Variants in BCAR1 observed in about 807,000 individuals in gnomAD.
BCAR1 encodes the protein BCAR1 scaffold protein, Cas family member, also known as breast cancer anti-estrogen resistance protein 1.
Under a neutral mutation model 67.6 loss-of-function variants are expected in BCAR1, and 30 were observed. The ratio of observed to expected loss-of-function variants is 0.44; its 90% confidence interval spans 0.33 to 0.60. The LOEUF is 0.60. Ranked by LOEUF, BCAR1 falls within the 20% of genes least tolerant of loss-of-function variation. The pLI, the probability that BCAR1 is intolerant of heterozygous loss-of-function variation, is 0.02. For missense variants in BCAR1, 1,313 were observed against 1,222.3 expected (o/e 1.07, Z -1.11); for synonymous variants, 626 against 556.7 (o/e 1.12, Z -1.75).
chr16:75,234,039 C>G (rs2076997882), intron 5 of BCAR1, 104 bp from the exon 6 acceptor site: 6 of 1,100,118 alleles, frequency 5.5e-6, no homozygotes, highest in African/African-American at 1.6e-5. Flanking sequence ...CCAGGTGGTG[C>G]TGCGTGTGCG....
rs938025848 is a variant in BCAR1, at chr16:75,244,430, C to G, written c.13-1340G>C. ...AGTGGGGGTGAGGCCTCTTTCAAGT[C>G]CCTAGGGCCCACCCTCCTCCCCTAT... On this transcript the variant is annotated intron_variant, in intron 1 of 6. Transcript: ENST00000162330. Among the ~76,000 whole-genome samples the G allele has an allele frequency of 3.1e-4, 47 of 152,324 alleles. No individual in the cohort carries two copies. The Middle Eastern group carries it at 0.01, about 33-fold the overall frequency.
chr16:75,229,636 T>C lies in BCAR1; in HGVS notation c.2488A>G (p.Thr830Ala). 1 of 1,612,700 alleles carries C rather than the reference T, an allele frequency of 6.2e-7. No homozygotes were observed. The highest frequency in any genetic ancestry group is 8.5e-7 in the Non-Finnish European group (1 of 1,179,888). ...GGGTACTGCAAGGCAGCGGCCTTGGTGGTGGCCACGATGCCGCGCAGGAGG... is the reference window on the plus strand; with the variant it reads ...GGGTACTGCAAGGCAGCGGCCTTGGCGGTGGCCACGATGCCGCGCAGGAGG... ...CDLLRGIVAT[T>A]KAAALQYPSP... Residue 830 changes from threonine to alanine, a missense_variant, in exon 7 of 7, where the codon ACC becomes GCC. Thr to Ala is a moderately conservative substitution (Grantham distance 58, BLOSUM62 0). Coordinates refer to ENST00000162330, the MANE Select transcript of BCAR1 (RefSeq NM_014567.5).
At chr16:75,242,031 T>A (rs913697958) in intron 2 of BCAR1, among the ~76,000 whole-genome samples, 5 of 152,192 alleles carry the variant, frequency 3.3e-5, no homozygotes, top group African/African-American at 1.2e-4. Flanking sequence ...GGGGTTGGCC[T>A]GTGGAGGCAG....
chr16:75,258,880 C>A (rs1567624078), intron 1 of BCAR1, among the ~76,000 whole-genome samples: 2 of 152,072 alleles, frequency 1.3e-5, no homozygotes, highest in Admixed American at 6.5e-5. Context: ...GCAGGCGCAG[C>A]AAGGAGTGTC....
rs766107993 is a variant in BCAR1 at position 75,243,476 on chromosome 16, T to TTC, written c.13-388_13-387dup. The TTC allele has an allele frequency of 4.2e-5, 23 of 543,436 alleles. No homozygotes were observed. The East Asian group carries it at 1.0e-3, about 24-fold the overall frequency. 33.7% of individuals were successfully genotyped at this position (543,436 alleles called of 1,614,324 possible). ...CCAAGTTAAAACAAATAGCAAATGGTTCTCTCTCGAGGTGCACGAAAATAA... is the reference window on the plus strand; with the variant it reads ...CCAAGTTAAAACAAATAGCAAATGGTTCTCTCTCTCGAGGTGCACGAAAATAA... On this transcript the variant is annotated intron_variant, in intron 1 of 6. Coordinates refer to ENST00000162330, the MANE Select transcript of BCAR1 (RefSeq NM_014567.5).
At chr16:75,233,959 C>G (rs779578550) in intron 5 of BCAR1, 24 bp from the exon 6 acceptor site, 1 of 1,576,686 alleles carries the variant, frequency 6.3e-7, no homozygotes, top group South Asian at 1.2e-5. Flanking sequence ...ACAGGGGCTG[C>G]GCTGAGGCCA....
intron 4 of BCAR1, chr16:75,236,348 G>C: frequency 2.8e-6 from 1 of 354,770 alleles, no homozygotes; most frequent in African/African-American, 2.1e-5. Flanking sequence ...TCACTGAAAG[G>C]TTAGCTGTGA....
chr16:75,238,030 G>A (rs1358254563), intron 2 of BCAR1: 2 of 1,288,042 alleles, frequency 1.6e-6, no homozygotes, highest in Non-Finnish European at 2.0e-6. Context: ...GACCTGAAAG[G>A]ATGAGGCCTA....
At chr16:75,240,211 C>G (rs909220883) in intron 2 of BCAR1, among the ~76,000 whole-genome samples, 1 of 152,222 alleles carries the variant, frequency 6.6e-6, no homozygotes, top group African/African-American at 2.4e-5. Context: ...CTCCCGCCCA[C>G]GTGAAGTCCT....
intron 1 of BCAR1, chr16:75,263,946 A>C: frequency 9.0e-7 from 1 of 1,115,780 alleles, no homozygotes; most frequent in Non-Finnish European, 1.1e-6. Context: ...CAGGAGAGAG[A>C]GCCACGGTGA....
rs372690008 is a variant in BCAR1, at chr16:75,261,483, G to A, written c.66+6432C>T. On this transcript the variant is annotated intron_variant, in intron 1 of 6. Coordinates refer to the BCAR1 transcript ENST00000393422. ...GGCCCTGCCTGCCCCGTGCTGGCCC[G>A]ACTGCTGCAGACCACACCTGAGCAG... 3.3e-4 allele frequency among the ~76,000 whole-genome samples: 50 copies of A among 152,382 alleles called. No homozygotes were observed. In the East Asian group the frequency reaches 3.7e-3, roughly 11 times the overall value.
At chr16:75,263,356 T>C in intron 1 of BCAR1, 1 of 985,420 alleles carries the variant, frequency 1.0e-6, no homozygotes, top group Non-Finnish European at 1.2e-6. Context: ...AAATGTGTCC[T>C]CTCAGCTGCA....
rs1305147236 is a variant in BCAR1, at chr16:75,242,387, G to A, written c.633+83C>T. The stretch of plus-strand genomic sequence containing the variant: ...CCACTCCTGGAATGCCGGTGATTGA[G>A]GGTGGCTGGACCCTTCTGTGCCCAC... On this transcript the variant is annotated intron_variant, in intron 2 of 6. Coordinates refer to ENST00000162330, the MANE Select transcript of BCAR1 (RefSeq NM_014567.5). 8 of 1,322,092 alleles carry A rather than the reference G, an allele frequency of 6.1e-6. No homozygotes were observed. In the Admixed American group the frequency reaches 8.7e-5, roughly 14 times the overall value. The allele number at this position is 1,322,092 out of a possible 1,614,324, so 81.9% of individuals were successfully genotyped here. A position where few individuals can be genotyped will look rare whatever the true frequency, so the allele number is the denominator to read the frequency against.
At chr16:75,237,098 G>T (rs1334291868) in intron 3 of BCAR1, 85 bp downstream of exon 3, 1 of 1,507,856 alleles carries the variant, frequency 6.6e-7, no homozygotes, top group Non-Finnish European at 8.9e-7. Flanking sequence ...GGCCGGGGCT[G>T]AGAAGATGCA....
At chr16:75,267,248 G>T (rs111329796) in intron 1 of BCAR1, among the ~76,000 whole-genome samples, 1 of 152,188 alleles carries the variant, frequency 6.6e-6, no homozygotes, top group Non-Finnish European at 1.5e-5. Context: ...CCCTGTTCTG[G>T]CAGTGATGAG....
intron 2 of BCAR1, among the ~76,000 whole-genome samples, chr16:75,240,320 C>G (rs1401944195): frequency 1.3e-5 from 2 of 152,174 alleles, no homozygotes; most frequent in African/African-American, 4.8e-5. Flanking sequence ...TGGAGGGGAG[C>G]ACCTGGAGGT....
In BCAR1 at chr16:75,235,317, T is replaced by G; in HGVS notation, c.1582A>C (p.Asn528His). ...GCACGGTCAGATGTGTGGGCAGCATTGCCCACCGCGCTGCGGGCAAACTCC... is the reference window on the plus strand; with the variant it reads ...GCACGGTCAGATGTGTGGGCAGCATGGCCCACCGCGCTGCGGGCAAACTCC... ...LLEFARSAVG[N>H]AAHTSDRALH... The change falls in exon 5 of 7, where the codon AAT becomes CAT. Residue 528 changes from asparagine to histidine, a missense_variant. Coordinates refer to ENST00000162330, the MANE Select transcript of BCAR1 (RefSeq NM_014567.5). 1.2e-6 allele frequency: 2 copies of G among 1,603,290 alleles called. No homozygotes were observed. Among genetic ancestry groups the G allele is most frequent in the Non-Finnish European group, 1.7e-6 (2 of 1,172,746 alleles).
Position 75,235,028 on chromosome 16 carries a change from T to C in BCAR1, c.1871A>G (p.Asn624Ser), listed in dbSNP as rs766189830. Residue 624 changes from asparagine to serine, a missense_variant, in exon 5 of 7, where the codon AAC becomes AGC. Asn to Ser is a conservative substitution (Grantham distance 46). This residue lies in a region of BCAR1 where 1,272 missense variants were observed against 1,137.5 expected (regional missense o/e 1.12). Transcript: ENST00000162330. Reference protein sequence around the residue: ...GPEGGGTLHPNPTDKTSSIQS... With the variant: ...GPEGGGTLHPSPTDKTSSIQS... ...GATGCTGCTGGTCTTGTCAGTGGGG[T>C]TGGGGTGCAGGGTGCCACCCCCCTC... 12 of 1,613,032 alleles carry C rather than the reference T, an allele frequency of 7.4e-6. No homozygotes were observed. Among genetic ancestry groups the C allele is most frequent in the Non-Finnish European group, 1.0e-5 (12 of 1,179,922 alleles).
At chr16:75,255,567 G>A (rs1473970499), upstream of BCAR1, among the ~76,000 whole-genome samples, 1 of 152,070 alleles carries the variant, frequency 6.6e-6, no homozygotes, top group Non-Finnish European at 1.5e-5. Flanking sequence ...GTGGTGGCGG[G>A]CACCTGTAAT....
Sources: allele counts gnomAD v4.1 joint callset (sites outside exome capture counted in the v4.1 genomes callset), GRCh38; gene constraint gnomAD v4.1.1; regional missense constraint gnomAD v4.1.1; transcripts MANE v1.5; gene names NCBI Gene and HGNC (gene_info 2026-07-23, HGNC 2026-07-21).